SIK2: variants seen among roughly 807,000 people sequenced by gnomAD.
SIK2 encodes the protein serine/threonine-protein kinase SIK2.
SIK2 carries 29 observed loss-of-function variants against 103.2 expected under a neutral mutation model. The ratio of observed to expected loss-of-function variants is 0.28; its 90% CI spans 0.21 to 0.38. The LOEUF (loss-of-function observed/expected upper bound fraction) is 0.38, where lower values mean the gene tolerates loss of function less well. Among genes scored for constraint, SIK2 ranks in the 10% least tolerant of loss-of-function variants. The pLI is 1.00. For synonymous variants in SIK2, 412 were observed against 446.1 expected, an observed-to-expected ratio of 0.92 and a Z score of 0.96; for missense variants, 879 against 1,171.0, an observed-to-expected ratio of 0.75 and a Z score of 3.64.
At chr11:111,629,866 G>A (rs1466195285) in intron 3 of SIK2, among the ~76,000 whole-genome samples, 2 of 152,174 alleles carry the variant, frequency 1.3e-5, no homozygotes, top group Non-Finnish European at 2.9e-5. Context: ...ATTGCTGGTA[G>A]GAATGTAAAA....
At chr11:111,660,621 C>T (rs1324059081) in intron 3 of SIK2, among the ~76,000 whole-genome samples, 1 of 152,078 alleles carries the variant, frequency 6.6e-6, no homozygotes, top group East Asian at 1.9e-4. Flanking sequence ...TCAGATTTTC[C>T]ATAATGAATT....
At chr11:111,653,837 C>G (rs1436616398) in intron 3 of SIK2, among the ~76,000 whole-genome samples, 1 of 152,198 alleles carries the variant, frequency 6.6e-6, no homozygotes, top group Non-Finnish European at 1.5e-5. Context: ...AGCTTTTTCC[C>G]TTCTCAGATC....
Position 111,729,531 on chromosome 11 carries a change from T to C in SIK2, c.*5402T>C, listed in dbSNP as rs371154365. On this transcript the variant is annotated 3_prime_UTR_variant, in exon 15 of 15. Coordinates refer to ENST00000304987, the MANE Select transcript of SIK2 (RefSeq NM_015191.3). ...ACTTCTCTGAGATCACAGCTGGTGA[T>C]AGAAGGAGCTGGGACACGCGCTTGG... The C allele has an allele frequency of 2.0e-5, 3 of 152,374 alleles. No homozygotes were observed. Among genetic ancestry groups the C allele is most frequent in the South Asian group, 4.1e-4 (2 of 4,832 alleles). 9.4% of individuals were successfully genotyped at this position (152,374 alleles called of 1,614,324 possible).
In SIK2 at chr11:111,707,573, G is replaced by A. The variant is rs959139737; in HGVS notation, c.1101+2434G>A. Among the ~76,000 whole-genome samples the A allele has an allele frequency of 9.8e-5, 15 of 152,288 alleles. 1 individual carries two copies. Among genetic ancestry groups the A allele is most frequent in the South Asian group, 4.1e-4 (2 of 4,826 alleles). ...ATGCTTGCCTGAGAGCCTTCTGGAT[G>A]CTGAGCAACAGGCCCCCTCCTCTCA... On this transcript the variant is annotated intron_variant, in intron 8 of 14. Coordinates refer to ENST00000304987, the MANE Select transcript of SIK2 (RefSeq NM_015191.3).
intron 3 of SIK2, among the ~76,000 whole-genome samples, chr11:111,682,100 C>T (rs984474274): frequency 4.6e-5 from 7 of 152,270 alleles, no homozygotes; most frequent in African/African-American, 1.4e-4. Context: ...CTGTCACTCC[C>T]AGTACTTACT....
At chr11:111,719,050 A>C (rs1943726178) in intron 9 of SIK2, among the ~76,000 whole-genome samples, 1 of 152,192 alleles carries the variant, frequency 6.6e-6, no homozygotes, top group African/African-American at 2.4e-5. Flanking sequence ...GATAACGTAT[A>C]TGTTGCTGGA....
intron 3 of SIK2, among the ~76,000 whole-genome samples, chr11:111,647,464 A>G (rs1392991091): frequency 6.6e-6 from 1 of 151,940 alleles, no homozygotes; most frequent in Non-Finnish European, 1.5e-5. Context: ...TCTACAAAAA[A>G]TACAAAAAAT....
intron 3 of SIK2, among the ~76,000 whole-genome samples, chr11:111,655,431 C>A (rs746903687): frequency 1.3e-5 from 2 of 152,186 alleles, no homozygotes; most frequent in African/African-American, 2.4e-5. Flanking sequence ...ATATGTTTCT[C>A]TTCCTTTGTT....
chr11:111,697,946 G>A (rs1345204154), intron 4 of SIK2, among the ~76,000 whole-genome samples: 1 of 152,090 alleles, frequency 6.6e-6, no homozygotes, highest in African/African-American at 2.4e-5. Context: ...GGAGATGAAG[G>A]CTACAATGAG....
intron 3 of SIK2, among the ~76,000 whole-genome samples, chr11:111,626,090 A>G (rs1941956916): frequency 6.6e-6 from 1 of 152,238 alleles, no homozygotes; most frequent in South Asian, 2.1e-4. Context: ...TCTAGGGTAA[A>G]TGGTCAATTG....
chr11:111,673,708 C>T (rs191808734), intron 3 of SIK2, among the ~76,000 whole-genome samples: 9 of 152,184 alleles, frequency 5.9e-5, no homozygotes, highest in Admixed American at 5.2e-4. Flanking sequence ...TAAAAATAAG[C>T]CAAAAGAATA....
rs750544669 is a variant in SIK2, at chr11:111,633,005, T to C, written c.316+12603T>C. ...TACTTTTGGAAACTGGCCAATGAAC[T>C]GCTTACCAGATCTAATGACCAAATC... is the stretch of plus-strand genomic sequence containing the variant. On this transcript the variant is annotated intron_variant, in intron 3 of 14. Coordinates refer to ENST00000304987, the MANE Select transcript of SIK2 (RefSeq NM_015191.3). 2.0e-5 allele frequency among the ~76,000 whole-genome samples: 3 copies of C among 152,264 alleles called. No homozygotes were observed. In the South Asian group the frequency reaches 6.2e-4, roughly 32 times the overall value.
Position 111,725,580 on chromosome 11 carries a change from T to C in SIK2, c.*1451T>C, listed in dbSNP as rs1389394909. ...TTCTAAAGATGATCATTTCTGCCCT[T>C]TAGAATGGCTTGTCCCATCAGCAGA... On this transcript the variant is annotated 3_prime_UTR_variant, in exon 15 of 15. Coordinates refer to ENST00000304987, the MANE Select transcript of SIK2 (RefSeq NM_015191.3). The C allele has an allele frequency of 3.9e-5, 6 of 152,648 alleles. No individual in the cohort carries two copies. Among genetic ancestry groups the C allele is most frequent in the Non-Finnish European group, 7.3e-5 (5 of 68,030 alleles). The allele number at this position is 152,648 out of a possible 1,614,324, so 9.5% of individuals were successfully genotyped here.
chr11:111,622,603 G>T (rs1477820854), intron 3 of SIK2, among the ~76,000 whole-genome samples: 1 of 152,134 alleles, frequency 6.6e-6, no homozygotes, highest in Non-Finnish European at 1.5e-5. Context: ...TGCTGGTGAT[G>T]AAATATTTCA....
rs560001607 is a variant in SIK2 at position 111,722,685 on chromosome 11, G to A, written c.2076G>A (p.Lys692=). 1.2e-6 allele frequency: 2 copies of A among 1,614,080 alleles called. No homozygotes were observed. Among genetic ancestry groups the A allele is most frequent in the East Asian group, 2.2e-5 (1 of 44,874 alleles). ...HRLQKPSLLS[K]AQNTCQLYCK... ...TCCAGAAGCCCAGCCTTCTGTCAAA[G>A]GCCCAGAACACCTGTCAGCTTTATT... The change falls in exon 14 of 15, where the codon AAG becomes AAA. Residue 692 remains lysine (K), a synonymous_variant. Coordinates refer to ENST00000304987, the MANE Select transcript of SIK2 (RefSeq NM_015191.3). This position sits in a 1 kb window ranked among gnomAD's most constrained non-coding sequence, Gnocchi z 4.4.
intron 1 of SIK2, among the ~76,000 whole-genome samples, chr11:111,607,385 C>A (rs1941662396): frequency 6.6e-6 from 1 of 152,126 alleles, no homozygotes; most frequent in Admixed American, 6.5e-5. Flanking sequence ...ATTAAAATTG[C>A]ATTTTTATAG....
intron 3 of SIK2, among the ~76,000 whole-genome samples, chr11:111,664,615 C>G (rs772980425): frequency 3.3e-5 from 5 of 152,088 alleles, no homozygotes; most frequent in Non-Finnish European, 7.4e-5. Context: ...GACTCCATCT[C>G]AAAGAAAAAG....
chr11:111,730,379 A>G lies in SIK2; in HGVS notation c.*6250A>G, dbSNP rs1282782477. Reference sequence around the variant, plus strand: ...GTAAGAGAAACCTGCCTTCACCAAAATCTCTGAAGGGGAAAGAAGTGGAGA... The same window carrying G: ...GTAAGAGAAACCTGCCTTCACCAAAGTCTCTGAAGGGGAAAGAAGTGGAGA... On this transcript the variant is annotated 3_prime_UTR_variant, in exon 15 of 15. Coordinates refer to ENST00000304987, the MANE Select transcript of SIK2 (RefSeq NM_015191.3). 1 of 152,184 alleles carries G rather than the reference A, an allele frequency of 6.6e-6. No individual in the cohort carries two copies. Among genetic ancestry groups the G allele is most frequent in the South Asian group, 2.1e-4 (1 of 4,830 alleles). 9.4% of individuals were successfully genotyped at this position (152,184 alleles called of 1,614,324 possible).
intron 3 of SIK2, chr11:111,683,200 CT>C (rs1264127301): frequency 6.5e-6 from 1 of 154,902 alleles, no homozygotes; most frequent in African/African-American, 2.4e-5. Context: ...TGGCTGTCCC[CT>C]TCCTCCCTCA....
Sources: allele counts gnomAD v4.1 joint callset (sites outside exome capture counted in the v4.1 genomes callset), GRCh38; gene constraint gnomAD v4.1.1; non-coding constraint Gnocchi (gnomAD v3.1); transcripts MANE v1.5; gene names NCBI Gene and HGNC (gene_info 2026-07-23, HGNC 2026-07-21).